Variants in PPFIBP2 observed in about 807,000 individuals in gnomAD.
The protein encoded by PPFIBP2 is PPFIB scaffold protein 2, also known as liprin-beta-2.
A neutral mutation model predicts 118.3 loss-of-function variants in PPFIBP2; 118 were observed. That is an observed-to-expected ratio of 1.00 (90% confidence interval 0.86 to 1.16). The LOEUF is 1.16. Ranked by LOEUF, PPFIBP2 falls within the 50% of genes most tolerant of loss-of-function variation. The pLI is 0.00. For missense variants in PPFIBP2, 1,195 were observed against 1,073.1 expected (o/e 1.11, Z -1.59); for synonymous variants, 414 against 397.4 (o/e 1.04, Z -0.50).
At chr11:7,632,765 G>C (rs932649449) in intron 11 of PPFIBP2, 102 bp from the exon 12 acceptor site, 1 of 897,594 alleles carries the variant, frequency 1.1e-6, no homozygotes, top group African/African-American at 1.6e-5. Flanking sequence ...CACCCAGGGA[G>C]GAAATGTCTC....
chr11:7,625,254 G>C (rs564317904), intron 7 of PPFIBP2, among the ~76,000 whole-genome samples: 1 of 152,298 alleles, frequency 6.6e-6, no homozygotes, highest in South Asian at 2.1e-4. Flanking sequence ...GGGTAGGAGC[G>C]TGTGGAGGGA....
At chr11:7,612,619 T>A (rs1848198170) in intron 6 of PPFIBP2, among the ~76,000 whole-genome samples, 1 of 152,220 alleles carries the variant, frequency 6.6e-6, no homozygotes, top group Non-Finnish European at 1.5e-5. Flanking sequence ...TTTGTTTTTG[T>A]TTTTCATCAG....
intron 5 of PPFIBP2, among the ~76,000 whole-genome samples, chr11:7,606,549 T>A (rs1220534639): frequency 6.6e-6 from 1 of 152,184 alleles, no homozygotes; most frequent in East Asian, 1.9e-4. Flanking sequence ...AATAAGTAAA[T>A]GTTCTGTTAT....
chr11:7,592,838 T>A (rs1859580602), intron 3 of PPFIBP2, among the ~76,000 whole-genome samples: 1 of 152,218 alleles, frequency 6.6e-6, no homozygotes. Context: ...AGACCCAGCA[T>A]GTCAAGTCAA....
At chr11:7,665,474 G>A in the PPFIBP2 span, 274 of 1,613,862 alleles carry the variant, frequency 1.7e-4, no homozygotes, top group Admixed American at 2.0e-4. Flanking sequence ...CAGGATGAGC[G>A]TGGACTTCGC....
At chr11:7,637,945 C>G (rs2135847182) in intron 14 of PPFIBP2, among the ~76,000 whole-genome samples, 1 of 152,262 alleles carries the variant, frequency 6.6e-6, no homozygotes, top group African/African-American at 2.4e-5. Flanking sequence ...CTGTCTCTGC[C>G]CTGCCTTGAG....
intron 3 of PPFIBP2, among the ~76,000 whole-genome samples, chr11:7,578,713 A>T (rs1856810986): frequency 6.6e-6 from 1 of 152,104 alleles, no homozygotes; most frequent in East Asian, 1.9e-4. Context: ...TTTGATGGAG[A>T]AGGGGGTTGG....
intron 6 of PPFIBP2, among the ~76,000 whole-genome samples, chr11:7,615,850 A>G (rs1213474584): frequency 6.6e-6 from 1 of 152,246 alleles, no homozygotes; most frequent in Non-Finnish European, 1.5e-5. Context: ...TGGGTAAATC[A>G]TAACTCTGAC....
At chr11:7,582,110 T>C (rs543236620) in intron 3 of PPFIBP2, among the ~76,000 whole-genome samples, 2 of 149,890 alleles carry the variant, frequency 1.3e-5, no homozygotes, top group African/African-American at 4.9e-5. Context: ...AGTGCTGGGA[T>C]TACAGGCGTG....
At chr11:7,605,020 T>C (rs12803437) in intron 5 of PPFIBP2, among the ~76,000 whole-genome samples, 21,300 of 152,136 alleles carry the variant, frequency 0.14, 1,980 homozygotes, top group African/African-American at 0.26. Flanking sequence ...TAGCCAGAAA[T>C]GGGAAGGTCA....
downstream of PPFIBP2, chr11:7,656,835 G>A: frequency 7.8e-7 from 1 of 1,284,544 alleles, no homozygotes; most frequent in Non-Finnish European, 1.0e-6. Flanking sequence ...AGGCATGTGT[G>A]GGGGCCCCGG....
At chr11:7,663,586 T>A in the PPFIBP2 span, among the ~76,000 whole-genome samples, 1 of 152,354 alleles carries the variant, frequency 6.6e-6, no homozygotes, top group Admixed American at 6.5e-5. Flanking sequence ...CTGTAGAAGT[T>A]ACTTCTGTCT....
chr11:7,605,573 A>T (rs935595052), intron 5 of PPFIBP2, among the ~76,000 whole-genome samples: 1 of 152,362 alleles, frequency 6.6e-6, no homozygotes, highest in South Asian at 2.1e-4. Context: ...ACAAATGCAC[A>T]TGAGGCCTGT....
At chr11:7,631,438 A>C (rs1355683455) in intron 11 of PPFIBP2, among the ~76,000 whole-genome samples, 1 of 152,134 alleles carries the variant, frequency 6.6e-6, no homozygotes, top group African/African-American at 2.4e-5. Flanking sequence ...TGTCTTGCTC[A>C]TTTAGAGGAA....
chr11:7,629,247 A>G (rs1194909982), intron 9 of PPFIBP2, among the ~76,000 whole-genome samples: 7 of 152,172 alleles, frequency 4.6e-5, no homozygotes, highest in African/African-American at 7.2e-5. Flanking sequence ...CAGATGACTC[A>G]CAGTCTTCAG....
At chr11:7,556,191 A>C (rs7107704) in intron 2 of PPFIBP2, among the ~76,000 whole-genome samples, 97,073 of 152,118 alleles carry the variant, frequency 0.64, 32,361 homozygotes, top group African/African-American at 0.84. Flanking sequence ...TGCAGTGGCT[A>C]ACGCTTGTAA....
chr11:7,638,173 T>C (rs1442765670), intron 14 of PPFIBP2, among the ~76,000 whole-genome samples: 5 of 152,194 alleles, frequency 3.3e-5, no homozygotes, highest in Non-Finnish European at 1.5e-5. Flanking sequence ...GGGGTGTGCT[T>C]CCAGAGGGAC....
In PPFIBP2 at chr11:7,635,540, G is replaced by T. The variant is rs1324424528; in HGVS notation, c.1195-12G>T. 6.2e-7 allele frequency: 1 copy of T among 1,605,744 alleles called. No homozygotes were observed. Among genetic ancestry groups the T allele is most frequent in the Admixed American group, 1.7e-5 (1 of 59,980 alleles). ...TTCTCCACATAAACGAAATCCTCAT[G>T]TTACTCCATAGTGTATGGATGGGAA... On this transcript the variant is annotated splice_polypyrimidine_tract_variant and intron_variant, in intron 13 of 23. Transcript: ENST00000299492.
intron 19 of PPFIBP2, 114 bp from the exon 20 acceptor site, chr11:7,649,032 TA>T: frequency 7.4e-7 from 1 of 1,352,744 alleles, no homozygotes; most frequent in Non-Finnish European, 1.0e-6. Context: ...GAGGAATTAC[TA>T]AACTTTTGGG....
Sources: allele counts gnomAD v4.1 joint callset (sites outside exome capture counted in the v4.1 genomes callset), GRCh38; gene constraint gnomAD v4.1.1; transcripts MANE v1.5; gene names NCBI Gene and HGNC (gene_info 2026-07-23, HGNC 2026-07-21).